Variants in SEMA6D observed in about 807,000 individuals in gnomAD.
The protein encoded by SEMA6D is semaphorin 6D.
In SEMA6D, 35 loss-of-function variants were observed where a neutral mutation model predicts 106.6. The observed-to-expected ratio is 0.33, with a 90% CI of 0.25 to 0.44. The LOEUF (loss-of-function observed/expected upper bound fraction) is 0.44. Ranked by LOEUF, SEMA6D falls within the 20% of genes least tolerant of loss-of-function variation. SEMA6D has a pLI of 1.00. For missense variants in SEMA6D, 1,185 were observed against 1,345.9 expected (o/e 0.88, Z 1.87); for synonymous variants, 499 against 487.7 (o/e 1.02, Z -0.31).
intron 1 of SEMA6D, among the ~76,000 whole-genome samples, chr15:47,290,760 A>T (rs533737903): frequency 6.6e-6 from 1 of 152,320 alleles, no homozygotes; most frequent in Admixed American, 6.5e-5. Context: ...TCGTGAATGA[A>T]CACTTTGTTA....
intron 1 of SEMA6D, among the ~76,000 whole-genome samples, chr15:47,398,965 G>A (rs973856094): frequency 6.6e-6 from 1 of 152,154 alleles, no homozygotes; most frequent in Non-Finnish European, 1.5e-5. Flanking sequence ...CTTAAAAAAG[G>A]CCGTCAGAAT....
At chr15:47,224,872 G>A (rs575003638) in intron 1 of SEMA6D, among the ~76,000 whole-genome samples, 1 of 151,582 alleles carries the variant, frequency 6.6e-6, no homozygotes, top group African/African-American at 2.4e-5. Context: ...CTTCTACTTG[G>A]TTGTTCCCTC....
intron 1 of SEMA6D, among the ~76,000 whole-genome samples, chr15:47,405,666 TC>T (rs2040541025): frequency 6.6e-6 from 1 of 152,202 alleles, no homozygotes; most frequent in African/African-American, 2.4e-5. Context: ...AAGGCGTGCC[TC>T]TTCTTTTGAC....
At chr15:47,507,305 A>C (rs1476857203) in intron 3 of SEMA6D, among the ~76,000 whole-genome samples, 1 of 152,244 alleles carries the variant, frequency 6.6e-6, no homozygotes, top group Non-Finnish European at 1.5e-5. Context: ...TTTTCCTTCC[A>C]AGGCAACAGC....
intron 3 of SEMA6D, among the ~76,000 whole-genome samples, chr15:47,538,366 C>A (rs948812917): frequency 1.3e-5 from 2 of 152,106 alleles, no homozygotes; most frequent in East Asian, 3.9e-4. Context: ...AAGGCTTTTG[C>A]AGTATGTCCT....
rs573084564 is a variant in SEMA6D, at chr15:47,560,229, A to G, written c.-86-40636A>G. Among the ~76,000 whole-genome samples, 23 of 152,222 alleles carry G rather than the reference A, an allele frequency of 1.5e-4. No individual in the cohort carries two copies. In the East Asian group the frequency reaches 4.3e-3, roughly 28 times the overall value. ...TCAGAGACAAAAAAAAATGCAGTAA[A>G]TAAAAACTGGATTTGGCAGAAAAGA... is the stretch of plus-strand genomic sequence containing the variant. On this transcript the variant is annotated intron_variant, in intron 3 of 19. Coordinates refer to the SEMA6D transcript ENST00000558014.
At chr15:47,342,352 TG>T (rs2037851271) in intron 1 of SEMA6D, among the ~76,000 whole-genome samples, 1 of 152,332 alleles carries the variant, frequency 6.6e-6, no homozygotes, top group South Asian at 2.1e-4. Context: ...CTATTAAATT[TG>T]TCTGAAGTTA....
At chr15:47,383,538 C>T (rs1023068518) in intron 1 of SEMA6D, among the ~76,000 whole-genome samples, 8 of 152,174 alleles carry the variant, frequency 5.3e-5, no homozygotes, top group African/African-American at 1.9e-4. Context: ...TGTGGCACTG[C>T]CAGGGGCCTG....
At chr15:47,751,016 G>T (rs776799907) in intron 1 of SEMA6D, among the ~76,000 whole-genome samples, 6 of 152,154 alleles carry the variant, frequency 3.9e-5, no homozygotes, top group Non-Finnish European at 7.4e-5. Context: ...AGAGTAGCCT[G>T]CCCCAGCTCT....
chr15:47,481,195 G>A (rs2043143945), intron 3 of SEMA6D, among the ~76,000 whole-genome samples: 1 of 152,090 alleles, frequency 6.6e-6, no homozygotes, highest in Non-Finnish European at 1.5e-5. Flanking sequence ...GTCTCCAGTA[G>A]ATGAAGGCAG....
intron 1 of SEMA6D, among the ~76,000 whole-genome samples, chr15:47,335,399 T>A (rs1207659193): frequency 1.3e-5 from 2 of 151,986 alleles, no homozygotes; most frequent in Admixed American, 6.6e-5. Context: ...TGTAGTGAAC[T>A]GAATAAAAGC....
chr15:47,407,107 G>T (rs1305312884), intron 1 of SEMA6D, among the ~76,000 whole-genome samples: 1 of 152,064 alleles, frequency 6.6e-6, no homozygotes, highest in African/African-American at 2.4e-5. Context: ...GCTCATGCCT[G>T]TAATCCCAGG....
chr15:47,237,641 G>A (rs2032639253), intron 1 of SEMA6D, among the ~76,000 whole-genome samples: 1 of 152,028 alleles, frequency 6.6e-6, no homozygotes, highest in South Asian at 2.1e-4. Context: ...GTGATGTGTA[G>A]AATTCAAAGG....
At chr15:47,698,620 C>G (rs1390178461) in intron 4 of SEMA6D, among the ~76,000 whole-genome samples, 1 of 152,138 alleles carries the variant, frequency 6.6e-6, no homozygotes, top group Non-Finnish European at 1.5e-5. Context: ...TACTTTTTCC[C>G]TTCTTCCATC....
At chr15:47,450,126 G>A (rs991794607) in intron 2 of SEMA6D, among the ~76,000 whole-genome samples, 2 of 152,092 alleles carry the variant, frequency 1.3e-5, no homozygotes, top group Admixed American at 1.3e-4. Context: ...CATTGCACAG[G>A]CAAAGACCCT....
intron 3 of SEMA6D, chr15:47,470,557 A>G (rs952744072): frequency 1.4e-4 from 21 of 151,972 alleles, no homozygotes; most frequent in African/African-American, 4.8e-4. Context: ...TAAGGCATGA[A>G]CTTTTTTGCA....
intron 2 of SEMA6D, among the ~76,000 whole-genome samples, chr15:47,431,225 T>C (rs1044991266): frequency 1.3e-5 from 2 of 152,156 alleles, no homozygotes; most frequent in Non-Finnish European, 2.9e-5. Flanking sequence ...CTTTGTAATA[T>C]TTGATTTAAG....
intron 4 of SEMA6D, among the ~76,000 whole-genome samples, chr15:47,698,398 C>G (rs557899214): frequency 6.6e-6 from 1 of 152,148 alleles, no homozygotes; most frequent in Admixed American, 6.5e-5. Context: ...CTTTTTGCTG[C>G]TACTGCAAAA....
chr15:47,537,345 T>C (rs1292144919), intron 3 of SEMA6D, among the ~76,000 whole-genome samples: 1 of 152,118 alleles, frequency 6.6e-6, no homozygotes, highest in East Asian at 1.9e-4. Context: ...CAAGATGCTG[T>C]TTAGTCAGGA....
Sources: gnomAD v4.1 joint callset for allele counts (sites outside exome capture counted in the v4.1 genomes callset) on GRCh38, gnomAD v4.1.1 for gene constraint, MANE v1.5 for transcripts, NCBI Gene and HGNC (gene_info 2026-07-23, HGNC 2026-07-21) for gene names.